The following DNAH7 variants were observed in gnomAD, a reference collection of about 807,000 sequenced individuals.
DNAH7 encodes the protein dynein axonemal heavy chain 7.
In DNAH7, 397 loss-of-function variants were observed where a neutral mutation model predicts 444.6. That is an observed-to-expected ratio of 0.89 (90% CI 0.82 to 0.97). DNAH7 has a LOEUF of 0.97. Ranked by LOEUF, DNAH7 falls within the 50% of genes least tolerant of loss-of-function variation. The pLI, the probability that DNAH7 is intolerant of heterozygous loss-of-function variation, is 0.00. For synonymous variants in DNAH7, 1,636 were observed against 1,624.4 expected (o/e 1.01, Z -0.17); for missense variants, 4,902 against 4,800.8 (o/e 1.02, Z -0.62).
chr2:195,738,295 A>ACTC (rs1408581391), intron 64 of DNAH7, among the ~76,000 whole-genome samples, 168 bp from the exon 65 acceptor site: 1 of 152,022 alleles, frequency 6.6e-6, no homozygotes, highest in East Asian at 1.9e-4. Flanking sequence ...ATTTTATAGA[A>ACTC]CTCTCATAAC....
intron 47 of DNAH7, among the ~76,000 whole-genome samples, chr2:195,842,381 C>A (rs1346127369): frequency 6.6e-6 from 1 of 152,024 alleles, no homozygotes; most frequent in African/African-American, 2.4e-5. Context: ...ATGTGAAAAG[C>A]ACTTAGCACA....
At chr2:195,961,202 A>G (rs1035451369) in intron 17 of DNAH7, among the ~76,000 whole-genome samples, 1 of 152,210 alleles carries the variant, frequency 6.6e-6, no homozygotes, top group East Asian at 1.9e-4. Flanking sequence ...GGTAAATAAA[A>G]CTAATTAACA....
At chr2:195,995,948 T>C (rs1693668572) in intron 12 of DNAH7, among the ~76,000 whole-genome samples, 1 of 152,252 alleles carries the variant, frequency 6.6e-6, no homozygotes, top group Admixed American at 6.5e-5. Context: ...GGTATTTTGA[T>C]AGAGATTGCA....
In DNAH7 at chr2:196,058,092, AT is replaced by A; in HGVS notation, c.39del (p.Lys13AsnfsTer6). 1 of 1,584,426 alleles carries A rather than the reference AT, an allele frequency of 6.3e-7. No individual in the cohort carries two copies. The highest frequency in any genetic ancestry group is 8.6e-7 in the Non-Finnish European group (1 of 1,164,838). On this transcript the variant is annotated frameshift_variant, in exon 2 of 65. Coordinates refer to ENST00000312428, the MANE Select transcript of DNAH7 (RefSeq NM_018897.3). LOFTEE classifies it high-confidence loss of function. ...GGTAGAAATCTTACTGGTTTCTTGG[AT>A]TTTTCTTTGCTGGCCGATTTATCCT... The part of the protein sequence containing the change: ...SEQDKSASKE[K>X]SKKPVRFLPQ...
intron 2 of DNAH7, among the ~76,000 whole-genome samples, chr2:196,055,365 G>A (rs779534998): frequency 8.5e-5 from 13 of 152,136 alleles, no homozygotes; most frequent in Non-Finnish European, 1.8e-4. Flanking sequence ...TTACAAAATG[G>A]TTAACCATGC....
rs552653536 is a variant in DNAH7, at chr2:195,752,038, A to T, written c.11764+2299T>A. On this transcript the variant is annotated intron_variant, in intron 63 of 64. Coordinates refer to ENST00000312428, the MANE Select transcript of DNAH7 (RefSeq NM_018897.3). ...GTAATCCCAGCACTTTGGGAGCCCAAGGTGAGTGGATTCCTTGAGCTCAGG... is the reference window on the plus strand; with the variant it reads ...GTAATCCCAGCACTTTGGGAGCCCATGGTGAGTGGATTCCTTGAGCTCAGG... Among the ~76,000 whole-genome samples the T allele has an allele frequency of 2.6e-5, 4 of 152,260 alleles. No homozygotes were observed. The East Asian group carries it at 7.7e-4, about 29-fold the overall frequency.
rs192165157 is a variant in DNAH7 at position 196,021,284 on chromosome 2, C to T, written c.744-1989G>A. Among the ~76,000 whole-genome samples, 12 of 152,198 alleles carry T rather than the reference C, an allele frequency of 7.9e-5. No homozygotes were observed. The East Asian group carries it at 1.4e-3, about 17-fold the overall frequency. On this transcript the variant is annotated intron_variant, in intron 8 of 64. Transcript: ENST00000312428. ...TGTCTATGTCTAGTCATCTACCTAT[C>T]GATCCATCAACTCATAAATGTAACG...
In DNAH7 at chr2:195,808,887, C is replaced by CA; in HGVS notation, c.9889-12dup. ...CTCAGCTTTATTAATCTTTGGAAAACAAGGCAGCGTGAAGAGTCAGAAACG... is the reference window on the plus strand; with the variant it reads ...CTCAGCTTTATTAATCTTTGGAAAACAAAGGCAGCGTGAAGAGTCAGAAACG... On this transcript the variant is annotated splice_polypyrimidine_tract_variant and intron_variant, in intron 52 of 64. Transcript: ENST00000312428. The CA allele has an allele frequency of 6.2e-7, 1 of 1,610,430 alleles. No individual in the cohort carries two copies. The highest frequency in any genetic ancestry group is 1.1e-5 in the South Asian group (1 of 90,732).
At chr2:196,056,118 A>T (rs1055015809) in intron 2 of DNAH7, among the ~76,000 whole-genome samples, 1 of 152,206 alleles carries the variant, frequency 6.6e-6, no homozygotes, top group Non-Finnish European at 1.5e-5. Flanking sequence ...TGGCTGCAGT[A>T]AACAGTTCTG....
chr2:195,812,770 A>G (rs1043849702), intron 51 of DNAH7, among the ~76,000 whole-genome samples: 6 of 152,186 alleles, frequency 3.9e-5, no homozygotes, highest in African/African-American at 1.4e-4. Context: ...TAATAGTCAC[A>G]TGTTTTCTAT....
chr2:195,900,168 G>T, intron 28 of DNAH7, 114 bp downstream of exon 28: 2 of 1,167,852 alleles, frequency 1.7e-6, no homozygotes, highest in Non-Finnish European at 2.5e-6. Flanking sequence ...TTTAATAATT[G>T]ATTTTTTTCA....
chr2:195,832,495 T>C (rs1470816229), intron 48 of DNAH7, among the ~76,000 whole-genome samples: 1 of 151,696 alleles, frequency 6.6e-6, no homozygotes, highest in African/African-American at 2.4e-5. Context: ...CAGGTTGGAG[T>C]GCAGTGGTGT....
intron 27 of DNAH7, chr2:195,903,887 C>T (rs1000163435): frequency 2.0e-5 from 3 of 152,052 alleles, no homozygotes; most frequent in East Asian, 1.9e-4. Flanking sequence ...TCCTGCATTT[C>T]GGGAGACATG....
Position 196,047,465 on chromosome 2 carries a change from T to A in DNAH7, c.285A>T (p.Lys95Asn). ...EYMERFGKKGKLPHQVDDSYV... is the reference protein window; with the variant it reads ...EYMERFGKKGNLPHQVDDSYV... ...AACTATCATCAACTTGGTGGGGTAA[T>A]TTGCCCTTTTTTCCAAAACGTTCCA... Residue 95 changes from lysine to asparagine, a missense_variant, in exon 5 of 65, where the codon AAA becomes AAT. Lys to Asn is a moderately conservative substitution (Grantham distance 94). Transcript: ENST00000312428. The A allele has an allele frequency of 6.3e-7, 1 of 1,599,576 alleles. No individual in the cohort carries two copies. The highest frequency in any genetic ancestry group is 8.5e-7 in the Non-Finnish European group (1 of 1,171,882).
In DNAH7 at chr2:195,933,864, C is replaced by T. The variant is rs921183209; in HGVS notation, c.3471+727G>A. ...TGTATACAAATGTAACAAACCTGCA[C>T]GTTGTGCACATGTACCCTAAAACTT... On this transcript the variant is annotated intron_variant, in intron 21 of 64. Transcript: ENST00000312428. Among the ~76,000 whole-genome samples the T allele has an allele frequency of 2.6e-4, 39 of 151,840 alleles. 1 individual carries two copies. The highest frequency in any genetic ancestry group is 3.4e-3 in the Middle Eastern group (1 of 294).
Position 195,888,275 on chromosome 2 carries a change from T to A in DNAH7, c.5389A>T (p.Ile1797Phe). The A allele has an allele frequency of 6.2e-7, 1 of 1,609,680 alleles. No homozygotes were observed. Among genetic ancestry groups the A allele is most frequent in the Non-Finnish European group, 8.5e-7 (1 of 1,178,590 alleles). Reference protein sequence around the residue: ...DRMVPVSVEFIRKHTKELSPT... With the variant: ...DRMVPVSVEFFRKHTKELSPT... ...TCCCTTACCTTTGTATGCTTTCTAATAAATTCAACCGAAACAGGGACCATT... is the reference window on the plus strand; with the variant it reads ...TCCCTTACCTTTGTATGCTTTCTAAAAAATTCAACCGAAACAGGGACCATT... The change falls in exon 33 of 65, where the codon ATT (isoleucine) becomes TTT (phenylalanine). Residue 1797 changes from isoleucine to phenylalanine, a missense_variant. Ile to Phe is a conservative substitution (Grantham distance 21). Transcript: ENST00000312428.
intron 11 of DNAH7, among the ~76,000 whole-genome samples, chr2:196,001,190 C>A (rs1219768202): frequency 2.0e-5 from 3 of 152,118 alleles, no homozygotes; most frequent in Non-Finnish European, 2.9e-5. Context: ...AATTCCAAGG[C>A]CCTGCTCACA....
At chr2:195,922,613 C>T (rs543171683) in intron 23 of DNAH7, among the ~76,000 whole-genome samples, 1 of 152,260 alleles carries the variant, frequency 6.6e-6, no homozygotes, top group East Asian at 1.9e-4. Flanking sequence ...CGCTGCCCCT[C>T]AATTTGTTTC....
intron 46 of DNAH7, among the ~76,000 whole-genome samples, chr2:195,852,040 T>C (rs896629816): frequency 1.3e-4 from 20 of 152,116 alleles, no homozygotes; most frequent in South Asian, 1.2e-3. Flanking sequence ...GGGCAGATCA[T>C]AAGGTCAGGA....
Sources: gnomAD v4.1 joint callset for allele counts (sites outside exome capture counted in the v4.1 genomes callset) on GRCh38, gnomAD v4.1.1 for gene constraint, MANE v1.5 for transcripts, NCBI Gene and HGNC (gene_info 2026-07-23, HGNC 2026-07-21) for gene names.